Variants in DNMT3A observed in about 807,000 individuals in gnomAD.
The protein encoded by DNMT3A is DNA methyltransferase 3 alpha, also known as DNA (cytosine-5)-methyltransferase 3A.
Under a neutral mutation model 117.6 loss-of-function variants are expected in DNMT3A, and 267 were observed. The ratio of observed to expected loss-of-function variants is 2.27; its 90% confidence interval spans 2.05 to 2.51. DNMT3A has a LOEUF of 2.51. Among genes scored for constraint, DNMT3A ranks in the 30% most tolerant of loss-of-function variants. The pLI is 0.00. For missense variants in DNMT3A, 1,029 were observed against 1,260.2 expected, an observed-to-expected ratio of 0.82 and a Z score of 2.78; for synonymous variants, 432 against 474.8, an observed-to-expected ratio of 0.91 and a Z score of 1.17.
intron 2 of DNMT3A, among the ~76,000 whole-genome samples, chr2:25,309,559 G>C (rs1174667999): frequency 3.9e-5 from 6 of 152,066 alleles, no homozygotes; most frequent in Non-Finnish European, 7.4e-5. Flanking sequence ...ACCACCGGGG[G>C]GCACTGTTCA....
chr2:25,270,588 G>A (rs896035740), intron 6 of DNMT3A, among the ~76,000 whole-genome samples: 1 of 152,178 alleles, frequency 6.6e-6, no homozygotes, highest in African/African-American at 2.4e-5. Context: ...TGTCAGGAGG[G>A]GAGGTGCCTT....
At chr2:25,338,586 G>A (rs558493180) in intron 1 of DNMT3A, among the ~76,000 whole-genome samples, 1 of 152,174 alleles carries the variant, frequency 6.6e-6, no homozygotes, top group African/African-American at 2.4e-5. Context: ...AGGGCAGTGC[G>A]CTCCCCTCGC....
At chr2:25,264,403 G>A (rs1386515140) in intron 6 of DNMT3A, among the ~76,000 whole-genome samples, 1 of 151,750 alleles carries the variant, frequency 6.6e-6, no homozygotes, top group Admixed American at 6.6e-5. Flanking sequence ...GCCTCCCACA[G>A]TGTTGGGATT....
chr2:25,255,345 A>C (rs1676017724), intron 6 of DNMT3A, among the ~76,000 whole-genome samples: 1 of 152,218 alleles, frequency 6.6e-6, no homozygotes, highest in South Asian at 2.1e-4. Flanking sequence ...CTTTTGTTTG[A>C]GTTAAAGATA....
At chr2:25,240,757 G>A (rs746009411) in intron 17 of DNMT3A, 27 bp from the exon 18 acceptor site, 1 of 1,606,352 alleles carries the variant, frequency 6.2e-7, no homozygotes, top group Non-Finnish European at 8.5e-7. Flanking sequence ...AACGTGATGG[G>A]CCTGCTGTCC....
intron 1 of DNMT3A, among the ~76,000 whole-genome samples, chr2:25,340,495 C>T (rs2035376335): frequency 6.6e-6 from 1 of 151,810 alleles, no homozygotes; most frequent in Non-Finnish European, 1.5e-5. Context: ...CCTGGACCCG[C>T]GCCAGCCCGG....
At chr2:25,338,680 T>A (rs1157487886) in intron 1 of DNMT3A, among the ~76,000 whole-genome samples, 1 of 152,094 alleles carries the variant, frequency 6.6e-6, no homozygotes, top group Non-Finnish European at 1.5e-5. Flanking sequence ...GATCACAAAC[T>A]GAGAGCGGGG....
chr2:25,313,812 A>G, intron 2 of DNMT3A, 101 bp downstream of exon 2: 1 of 1,495,412 alleles, frequency 6.7e-7, no homozygotes, highest in Non-Finnish European at 9.1e-7. Flanking sequence ...GCACTGAGTG[A>G]TGCGGTCATG....
chr2:25,275,412 C>G, intron 5 of DNMT3A, 88 bp downstream of exon 5: 2 of 1,407,048 alleles, frequency 1.4e-6, no homozygotes, highest in Admixed American at 2.3e-5. Context: ...GAGGAGGGGC[C>G]CACCCTCCGC....
chr2:25,323,542 T>A (rs1464585557), intron 1 of DNMT3A, among the ~76,000 whole-genome samples: 1 of 152,158 alleles, frequency 6.6e-6, no homozygotes. Context: ...AGCTGTCGAG[T>A]GGGAGAAAGA....
intron 6 of DNMT3A, among the ~76,000 whole-genome samples, chr2:25,261,506 C>G (rs1676605803): frequency 7.0e-6 from 1 of 142,420 alleles, no homozygotes; most frequent in African/African-American, 2.6e-5. Context: ...ACTTGGGAGG[C>G]TGAGGTGGGA....
rs10538 is a variant in DNMT3A at position 25,233,303 on chromosome 2, G to A, written c.*976C>T. ...TACAAACCAAGGGGAAGAGCCCACC[G>A]TGAGAACGCGCCATCTGCAAGCTGT... On this transcript the variant is annotated 3_prime_UTR_variant, in exon 23 of 23. Coordinates refer to ENST00000321117, the MANE Select transcript of DNMT3A (RefSeq NM_022552.5). 3.0e-5 allele frequency: 7 copies of A among 233,668 alleles called. No homozygotes were observed. The highest frequency in any genetic ancestry group is 6.0e-5 in the East Asian group (1 of 16,714). The allele number at this position is 233,668 out of a possible 1,614,324, so 14.5% of individuals were successfully genotyped here. A position where few individuals can be genotyped will look rare whatever the true frequency, so the allele number is the denominator to read the frequency against.
chr2:25,261,606 C>CA (rs11312150), intron 6 of DNMT3A, among the ~76,000 whole-genome samples: 9 of 111,658 alleles, frequency 8.1e-5, no homozygotes, highest in Non-Finnish European at 1.2e-4. Context: ...GACTCCGTCT[C>CA]AAAAAAAAAA....
intron 3 of DNMT3A, among the ~76,000 whole-genome samples, chr2:25,284,970 G>A (rs11683946): frequency 6.6e-6 from 1 of 152,220 alleles, no homozygotes; most frequent in Non-Finnish European, 1.5e-5. Flanking sequence ...TCCCAGTGCA[G>A]ATGGATCTGG....
intron 16 of DNMT3A, chr2:25,242,046 C>G (rs189552997): frequency 6.3e-6 from 2 of 315,630 alleles, no homozygotes; most frequent in African/African-American, 4.5e-5. Context: ...TTGGTCCTTC[C>G]ATACCCTCTT....
At chr2:25,307,295 A>G (rs1441166150) in intron 2 of DNMT3A, among the ~76,000 whole-genome samples, 6 of 151,950 alleles carry the variant, frequency 3.9e-5, no homozygotes, top group Middle Eastern at 3.4e-3. Flanking sequence ...TCATTTCCCA[A>G]TTATCCTGGG....
intron 2 of DNMT3A, among the ~76,000 whole-genome samples, chr2:25,307,459 CTTTTTTTTTT>C (rs35144977): frequency 2.5e-5 from 2 of 79,104 alleles, no homozygotes; most frequent in Non-Finnish European, 5.0e-5. Context: ...CACACCGCAG[CTTTTTTTTTT>C]TTTTTTTTTT....
At position 25,247,172 on chromosome 2, in the gene DNMT3A, C is replaced by T; in HGVS notation, c.1015-14G>A. The T allele has an allele frequency of 6.2e-7, 1 of 1,612,878 alleles. No individual in the cohort carries two copies. The highest frequency in any genetic ancestry group is 8.5e-7 in the Non-Finnish European group (1 of 1,179,364). ...CTCAACACACACCTGGGGGGACAAG[C>T]CAGGCCTTGTTTGCCGAGGCTTACA... On this transcript the variant is annotated splice_polypyrimidine_tract_variant and intron_variant, in intron 8 of 22. Coordinates refer to ENST00000321117, the MANE Select transcript of DNMT3A (RefSeq NM_022552.5). This position sits in a 1 kb window ranked among gnomAD's most constrained non-coding sequence, Gnocchi z 5.6.
chr2:25,327,258 A>C lies in DNMT3A; in HGVS notation c.-177-13097T>G, dbSNP rs563283737. Among the ~76,000 whole-genome samples the C allele has an allele frequency of 6.6e-6, 1 of 152,312 alleles. No homozygotes were observed. The highest frequency in any genetic ancestry group is 2.1e-4 in the South Asian group (1 of 4,826). On this transcript the variant is annotated intron_variant, in intron 1 of 22. Coordinates refer to ENST00000321117, the MANE Select transcript of DNMT3A (RefSeq NM_022552.5). This position sits in a 1 kb window ranked among gnomAD's most constrained non-coding sequence, Gnocchi z 4.1. ...GTTATGTGAAACTTTCCTTGTTCCA[A>C]TCACCATGTGGTTTCTGTCTTCTGA...
Sources: gnomAD v4.1 joint callset for allele counts (sites outside exome capture counted in the v4.1 genomes callset) on GRCh38, gnomAD v4.1.1 for gene constraint, Gnocchi (gnomAD v3.1) non-coding constraint, MANE v1.5 for transcripts, NCBI Gene and HGNC (gene_info 2026-07-23, HGNC 2026-07-21) for gene names.